Variants in MYO3A observed in about 807,000 individuals in gnomAD.
MYO3A encodes the protein myosin IIIA, also known as myosin-IIIa.
MYO3A carries 180 observed loss-of-function variants against 192.7 expected under a neutral mutation model. The observed-to-expected ratio is 0.93, with a 90% CI of 0.83 to 1.06. The LOEUF (loss-of-function observed/expected upper bound fraction) is 1.06. Among genes scored for constraint, MYO3A ranks in the 50% least tolerant of loss-of-function variants. The probability of loss-of-function intolerance (pLI) is 0.00; values close to 1 mark genes in which losing one functional copy is unlikely to be tolerated. For missense variants in MYO3A, 1,896 were observed against 1,905.0 expected, an observed-to-expected ratio of 1.00 and a Z score of 0.09; for synonymous variants, 628 against 645.3, an observed-to-expected ratio of 0.97 and a Z score of 0.41.
At chr10:26,114,518 C>G (rs1002261296) in intron 17 of MYO3A, among the ~76,000 whole-genome samples, 3 of 152,056 alleles carry the variant, frequency 2.0e-5, no homozygotes, top group Non-Finnish European at 4.4e-5. Context: ...TCTTTTTGTT[C>G]TCATAAACTC....
At position 25,960,545 on chromosome 10, in the gene MYO3A, A is replaced by G. The variant is rs186964670; in HGVS notation, c.303+5537A>G. 1.2e-4 allele frequency among the ~76,000 whole-genome samples: 18 copies of G among 152,270 alleles called. No individual in the cohort carries two copies. In the East Asian group the frequency reaches 3.5e-3, roughly 29 times the overall value. On this transcript the variant is annotated intron_variant, in intron 4 of 34. Coordinates refer to ENST00000642920, the MANE Select transcript of MYO3A (RefSeq NM_017433.5). ...GTCAATTAATGCATATTTTTATGTC[A>G]TATGTATTATATACTGTATTCTTAC... is the stretch of plus-strand genomic sequence containing the variant.
At chr10:26,201,378 G>T in intron 33 of MYO3A, 73 bp downstream of exon 33, 2 of 1,227,182 alleles carry the variant, frequency 1.6e-6, no homozygotes, top group South Asian at 1.4e-5. Context: ...TTCAAATTAT[G>T]ATTTAAAATC....
chr10:26,099,563 T>C (rs1294828458), intron 17 of MYO3A, among the ~76,000 whole-genome samples: 1 of 152,206 alleles, frequency 6.6e-6, no homozygotes, highest in Non-Finnish European at 1.5e-5. Flanking sequence ...TAAATAACTC[T>C]TATTATTTTG....
chr10:25,988,823 A>G (rs974565611), intron 4 of MYO3A, among the ~76,000 whole-genome samples: 2 of 152,168 alleles, frequency 1.3e-5, no homozygotes, highest in Non-Finnish European at 2.9e-5. Context: ...CTCTTGTGTT[A>G]ACATAATAGT....
chr10:26,069,381 T>G (rs1031498740), intron 12 of MYO3A, among the ~76,000 whole-genome samples: 2 of 152,100 alleles, frequency 1.3e-5, no homozygotes, highest in African/African-American at 2.4e-5. Flanking sequence ...GAATATATAA[T>G]TATCAATTAT....
chr10:25,988,352 A>T (rs1344057924), intron 4 of MYO3A, among the ~76,000 whole-genome samples: 1 of 150,722 alleles, frequency 6.6e-6, no homozygotes, highest in Non-Finnish European at 1.5e-5. Context: ...TTCCCTAAAA[A>T]CCTATTGAAA....
chr10:26,081,141 C>CCCCCCT (rs1835920110), intron 14 of MYO3A, among the ~76,000 whole-genome samples: 1 of 103,148 alleles, frequency 9.7e-6, no homozygotes, highest in Non-Finnish European at 2.4e-5. Context: ...CTTCCCCCCC[C>CCCCCCT]CCCCGCCCCC....
At chr10:26,039,101 C>T (rs576657940) in intron 10 of MYO3A, among the ~76,000 whole-genome samples, 4 of 151,544 alleles carry the variant, frequency 2.6e-5, no homozygotes, top group Admixed American at 6.6e-5. Context: ...AGTGCAATGG[C>T]GTGATCTCGG....
In MYO3A at chr10:26,193,252, C is replaced by A. The variant is rs759570366; in HGVS notation, c.4486C>A (p.Pro1496Thr). 1.9e-6 allele frequency: 3 copies of A among 1,613,974 alleles called. No individual in the cohort carries two copies. The highest frequency in any genetic ancestry group is 2.5e-6 in the Non-Finnish European group (3 of 1,179,938). ...AAAAATATTGAGACCCCCAAGACGA[C>A]CCCGGAAACCCAAAACATTAAATAA... The part of the protein sequence containing the change: ...EPKILRPPRR[P>T]RKPKTLNNPE... Residue 1496 changes from proline (P) to threonine (T), a missense_variant, in exon 32 of 35, where the codon CCC becomes ACC. By Grantham distance (38) the Pro-to-Thr change is conservative. Coordinates refer to ENST00000642920, the MANE Select transcript of MYO3A (RefSeq NM_017433.5).
chr10:26,024,515 T>C (rs1254756017), intron 9 of MYO3A, among the ~76,000 whole-genome samples: 1 of 152,206 alleles, frequency 6.6e-6, no homozygotes, highest in African/African-American at 2.4e-5. Context: ...CATCATGTTG[T>C]TAGCTGGTTG....
chr10:26,153,708 C>T (rs1000195612), intron 23 of MYO3A, 142 bp from the exon 24 acceptor site: 3 of 570,482 alleles, frequency 5.3e-6, no homozygotes, highest in Admixed American at 3.4e-5. Context: ...TTCCTAAGTT[C>T]CTCCATAAAT....
chr10:26,170,202 T>A (rs1240065907), intron 28 of MYO3A, among the ~76,000 whole-genome samples: 1 of 152,232 alleles, frequency 6.6e-6, no homozygotes, highest in African/African-American at 2.4e-5. Flanking sequence ...GTATTCTTCT[T>A]AGTATGAAAG....
intron 17 of MYO3A, among the ~76,000 whole-genome samples, chr10:26,110,195 T>C (rs529538142): frequency 1.2e-4 from 19 of 152,324 alleles, no homozygotes; most frequent in African/African-American, 4.6e-4. Context: ...TCATGGACCC[T>C]ACCTGGAACT....
intron 4 of MYO3A, among the ~76,000 whole-genome samples, chr10:25,981,168 C>A (rs1839304150): frequency 6.6e-6 from 1 of 152,074 alleles, no homozygotes; most frequent in African/African-American, 2.4e-5. Flanking sequence ...TTGGTGTTTG[C>A]AACTAGATTT....
chr10:26,038,301 G>A (rs1015852384), intron 10 of MYO3A, among the ~76,000 whole-genome samples: 3 of 152,100 alleles, frequency 2.0e-5, no homozygotes, highest in South Asian at 2.1e-4. Context: ...GGTAGTGTGG[G>A]TATTTTAACA....
At chr10:26,013,058 A>G (rs987949478) in intron 6 of MYO3A, among the ~76,000 whole-genome samples, 1 of 152,174 alleles carries the variant, frequency 6.6e-6, no homozygotes, top group African/African-American at 2.4e-5. Context: ...ATGCTGGCAA[A>G]ACTGGCAAGC....
chr10:26,211,253 A>G (rs1844206943), intron 34 of MYO3A, among the ~76,000 whole-genome samples: 1 of 152,224 alleles, frequency 6.6e-6, no homozygotes, highest in South Asian at 2.1e-4. Context: ...CAAGCTGCAG[A>G]ATCTGAAGGT....
At chr10:26,134,632 T>C (rs762769290) in intron 20 of MYO3A, among the ~76,000 whole-genome samples, 1 of 152,168 alleles carries the variant, frequency 6.6e-6, no homozygotes, top group Non-Finnish European at 1.5e-5. Context: ...ATTCTTGAAA[T>C]TTTCTGTAAG....
At chr10:26,188,644 A>G (rs1396745390) in intron 31 of MYO3A, among the ~76,000 whole-genome samples, 1 of 152,204 alleles carries the variant, frequency 6.6e-6, no homozygotes, top group Non-Finnish European at 1.5e-5. Flanking sequence ...TCTCTAATCC[A>G]TCTTGAATTA....
Sources: gnomAD v4.1 joint callset for allele counts (sites outside exome capture counted in the v4.1 genomes callset) on GRCh38, gnomAD v4.1.1 for gene constraint, MANE v1.5 for transcripts, NCBI Gene and HGNC (gene_info 2026-07-23, HGNC 2026-07-21) for gene names.